The following KCNN1 variants were observed in gnomAD, a reference collection of about 807,000 sequenced individuals.
KCNN1 encodes the protein small conductance calcium-activated potassium channel protein 1.
In KCNN1, 20 loss-of-function variants were observed where a neutral mutation model predicts 44.7. The observed-to-expected ratio is 0.45, with a 90% CI of 0.32 to 0.65. KCNN1 has a LOEUF of 0.65. Among genes scored for constraint, KCNN1 ranks in the 30% least tolerant of loss-of-function variants. The pLI is 0.05. For synonymous variants in KCNN1, 324 were observed against 341.7 expected (o/e 0.95, Z 0.57); for missense variants, 632 against 785.3 (o/e 0.80, Z 2.33).
intron 3 of KCNN1, among the ~76,000 whole-genome samples, chr19:17,979,938 A>T (rs1274992300): frequency 2.0e-5 from 3 of 152,082 alleles, no homozygotes; most frequent in Admixed American, 6.6e-5. Context: ...CTGGGCACCC[A>T]CACCTGGAAT....
chr19:18,000,002 A>G lies in KCNN1; in HGVS notation c.*1596A>G, dbSNP rs2033129579. Reference sequence around the variant, plus strand: ...CATCTGTAAAATGGGGTGACAGTCTATTTAACCAGAACTCCCTAAAAAGGG... The same window carrying G: ...CATCTGTAAAATGGGGTGACAGTCTGTTTAACCAGAACTCCCTAAAAAGGG... On this transcript the variant is annotated 3_prime_UTR_variant, in exon 10 of 10. Coordinates refer to ENST00000684775, the MANE Select transcript of KCNN1 (RefSeq NM_001386974.1). The G allele has an allele frequency of 4.4e-6, 2 of 455,838 alleles. No individual in the cohort carries two copies. The highest frequency in any genetic ancestry group is 4.4e-6 in the Non-Finnish European group (1 of 226,756). 28.2% of individuals were successfully genotyped at this position (455,838 alleles called of 1,614,324 possible).
At chr19:17,996,352 T>C (rs773645386) in intron 9 of KCNN1, among the ~76,000 whole-genome samples, 27 of 151,878 alleles carry the variant, frequency 1.8e-4, no homozygotes, top group Admixed American at 3.9e-4. Context: ...ATCCCTGTAA[T>C]CCCAGCACCT....
chr19:17,965,131 G>A (rs1600007230), upstream of KCNN1, among the ~76,000 whole-genome samples: 1 of 152,128 alleles, frequency 6.6e-6, no homozygotes, highest in Non-Finnish European at 1.5e-5. Context: ...CAGGTTTGGT[G>A]GTGCACGCCT....
intron 5 of KCNN1, among the ~76,000 whole-genome samples, chr19:17,987,847 A>AC (rs1247918157): frequency 6.6e-6 from 1 of 150,896 alleles, no homozygotes; most frequent in Non-Finnish European, 1.5e-5. Context: ...AAAAAAAAAA[A>AC]AAAAAAAAAA....
chr19:17,957,296 G>A (rs141233949), intron 2 of KCNN1, among the ~76,000 whole-genome samples: 30 of 125,202 alleles, frequency 2.4e-4, no homozygotes, highest in Non-Finnish European at 4.8e-4. Context: ...GAGAGGGAGG[G>A]TAGGAGGGAG....
chr19:17,952,902 C>T (rs2031450689), intron 1 of KCNN1, among the ~76,000 whole-genome samples: 1 of 152,166 alleles, frequency 6.6e-6, no homozygotes, highest in Non-Finnish European at 1.5e-5. Context: ...TTACCACTCG[C>T]CCAAGGTCAC....
At chr19:17,970,375 T>C (rs1361299050) in intron 1 of KCNN1, among the ~76,000 whole-genome samples, 2 of 131,688 alleles carry the variant, frequency 1.5e-5, no homozygotes, top group African/African-American at 5.6e-5. Flanking sequence ...TGGAATGCAG[T>C]GGCATGATCT....
intron 9 of KCNN1, among the ~76,000 whole-genome samples, chr19:17,995,637 G>GT (rs1266332566): frequency 6.6e-6 from 1 of 152,150 alleles, no homozygotes; most frequent in Non-Finnish European, 1.5e-5. Context: ...CCAGGCTGGA[G>GT]TGCAGAGGTG....
At position 17,967,942 on chromosome 19, in the gene KCNN1, C is replaced by T. The variant is rs561268864; in HGVS notation, c.-82+625C>T. On this transcript the variant is annotated intron_variant, in intron 1 of 9. Coordinates refer to ENST00000684775, the MANE Select transcript of KCNN1 (RefSeq NM_001386974.1). ...CTGCTGGCTGCTGGCAGGCTCCTGG[C>T]GGGTGGTGATGGGGGGATCGGGCGG... Among the ~76,000 whole-genome samples the T allele has an allele frequency of 4.6e-5, 7 of 151,688 alleles. No homozygotes were observed. The South Asian group carries it at 8.4e-4, about 18-fold the overall frequency.
intron 2 of KCNN1, among the ~76,000 whole-genome samples, chr19:17,954,973 GGT>G (rs1180413851): frequency 3.0e-4 from 45 of 151,412 alleles, no homozygotes; most frequent in Non-Finnish European, 6.2e-4. Flanking sequence ...GGGAGGCAGA[GGT>G]TGCAGTGAGC....
At chr19:17,976,599 G>A (rs369072661) in intron 3 of KCNN1, among the ~76,000 whole-genome samples, 2 of 151,950 alleles carry the variant, frequency 1.3e-5, no homozygotes, top group African/African-American at 4.8e-5. Context: ...TGTATTTTTA[G>A]TAGAGACGGG....
intron 5 of KCNN1, among the ~76,000 whole-genome samples, chr19:17,987,627 A>G (rs1260021514): frequency 6.6e-6 from 1 of 152,070 alleles, no homozygotes; most frequent in African/African-American, 2.4e-5. Flanking sequence ...CTGGAAACCG[A>G]GACAGGGTTT....
intron 7 of KCNN1, among the ~76,000 whole-genome samples, chr19:17,991,784 G>A (rs1465301737): frequency 6.6e-6 from 1 of 152,158 alleles, no homozygotes; most frequent in East Asian, 1.9e-4. Context: ...GGGCCAGATG[G>A]TAAATCTTTC....
At chr19:17,985,602 CCTGCT>C (rs754891852) in intron 5 of KCNN1, 149 bp downstream of exon 5, 33 of 671,346 alleles carry the variant, frequency 4.9e-5, no homozygotes, top group Non-Finnish European at 6.7e-5. Flanking sequence ...CCACCCCTCC[CCTGCT>C]CTGCTCTTTT....
intron 3 of KCNN1, among the ~76,000 whole-genome samples, chr19:17,976,710 G>A (rs1027605562): frequency 1.3e-5 from 2 of 149,538 alleles, no homozygotes; most frequent in African/African-American, 2.5e-5. Flanking sequence ...GAGCCACCGC[G>A]CCCAGCATAA....
chr19:17,985,114 TG>T (rs1172062351), intron 4 of KCNN1, among the ~76,000 whole-genome samples, 197 bp from the exon 5 acceptor site: 1 of 151,862 alleles, frequency 6.6e-6, no homozygotes, highest in African/African-American at 2.4e-5. Context: ...GGAAGCAGCT[TG>T]GGGGGGCAGG....
chr19:17,994,732 C>A (rs1360932229), intron 9 of KCNN1, among the ~76,000 whole-genome samples: 3 of 152,090 alleles, frequency 2.0e-5, no homozygotes, highest in Non-Finnish European at 4.4e-5. Context: ...TTAGTAGAGA[C>A]GGGGTTTCGC....
rs1482142744 is a variant in KCNN1 at position 18,000,059 on chromosome 19, C to T, written c.*1653C>T. 1.1e-5 allele frequency: 5 copies of T among 455,444 alleles called. No individual in the cohort carries two copies. Among genetic ancestry groups the T allele is most frequent in the South Asian group, 3.1e-5 (2 of 64,538 alleles). The allele number at this position is 455,444 out of a possible 1,614,324, so 28.2% of individuals were successfully genotyped here. ...AACTGGTAGGTGCTCAATAAATGCT[C>T]CTTCCCGCCTGAGGGATCACACTGG... On this transcript the variant is annotated 3_prime_UTR_variant, in exon 10 of 10. Transcript: ENST00000684775.
At chr19:17,963,266 GCCTCC>G (rs939086856), upstream of KCNN1, among the ~76,000 whole-genome samples, 5 of 150,594 alleles carry the variant, frequency 3.3e-5, no homozygotes, top group Admixed American at 2.7e-4. Context: ...GCCTGCCTCA[GCCTCC>G]CAAAGTGCTG....
Sources: allele counts gnomAD v4.1 joint callset (sites outside exome capture counted in the v4.1 genomes callset), GRCh38; gene constraint gnomAD v4.1.1; transcripts MANE v1.5; gene names NCBI Gene and HGNC (gene_info 2026-07-23, HGNC 2026-07-21).